The following STPG2 variants were observed in gnomAD, a reference collection of about 807,000 sequenced individuals.
The protein encoded by STPG2 is sperm-tail PG-rich repeat-containing protein 2.
In STPG2, 56 loss-of-function variants were observed where a neutral mutation model predicts 54.2. The ratio of observed to expected loss-of-function variants is 1.03; its 90% CI spans 0.83 to 1.29. STPG2 has a LOEUF of 1.29. Among genes scored for constraint, STPG2 ranks in the 50% most tolerant of loss-of-function variants. The probability of loss-of-function intolerance (pLI) is 0.00; values close to 1 mark genes in which losing one functional copy is unlikely to be tolerated. For missense variants in STPG2, 596 were observed against 544.9 expected, an observed-to-expected ratio of 1.09 and a Z score of -0.93; for synonymous variants, 200 against 181.8, an observed-to-expected ratio of 1.10 and a Z score of -0.81.
chr4:97,932,161 T>C (rs1360215632), intron 8 of STPG2, among the ~76,000 whole-genome samples: 1 of 152,162 alleles, frequency 6.6e-6, no homozygotes, highest in Non-Finnish European at 1.5e-5. Flanking sequence ...TAGTGGCCTA[T>C]GTATTTTATT....
intron 4 of STPG2, among the ~76,000 whole-genome samples, chr4:97,452,823 C>G (rs1226090246): frequency 6.6e-6 from 1 of 152,164 alleles, no homozygotes; most frequent in Admixed American, 6.5e-5. Context: ...AGGGTCTTCT[C>G]TCTGCTAGGA....
intron 10 of STPG2, among the ~76,000 whole-genome samples, chr4:97,629,151 CAATAAT>C (rs985760721): frequency 2.0e-5 from 3 of 151,596 alleles, no homozygotes; most frequent in Non-Finnish European, 4.4e-5. Flanking sequence ...CAGAATTTTC[CAATAAT>C]AATAATAAGA....
intron 4 of STPG2, among the ~76,000 whole-genome samples, chr4:97,488,818 T>C (rs1021193103): frequency 1.4e-4 from 22 of 151,726 alleles, no homozygotes; most frequent in Admixed American, 7.9e-4. Flanking sequence ...GGTAACTACA[T>C]GATGGTCAAG....
At chr4:97,919,930 T>C (rs912487247) in intron 8 of STPG2, among the ~76,000 whole-genome samples, 1 of 152,190 alleles carries the variant, frequency 6.6e-6, no homozygotes, top group East Asian at 1.9e-4. Flanking sequence ...ATTTATTGAA[T>C]AGCCTATGTA....
intron 10 of STPG2, among the ~76,000 whole-genome samples, chr4:97,671,378 C>T (rs1722689748): frequency 6.6e-6 from 1 of 152,172 alleles, no homozygotes; most frequent in African/African-American, 2.4e-5. Flanking sequence ...TATAAACTTA[C>T]ATATGTAGGC....
At chr4:97,480,064 AACTT>A (rs1273008322) in intron 4 of STPG2, among the ~76,000 whole-genome samples, 2 of 151,798 alleles carry the variant, frequency 1.3e-5, no homozygotes, top group African/African-American at 2.4e-5. Context: ...ATAACTGACA[AACTT>A]CAAAATGATC....
At chr4:97,801,757 G>A (rs1427932643) in intron 9 of STPG2, among the ~76,000 whole-genome samples, 1 of 151,976 alleles carries the variant, frequency 6.6e-6, no homozygotes, top group African/African-American at 2.4e-5. Flanking sequence ...TCACAGCATA[G>A]CAGGCCATGA....
intron 4 of STPG2, among the ~76,000 whole-genome samples, chr4:97,541,964 A>G (rs1578375336): frequency 6.6e-6 from 1 of 152,230 alleles, no homozygotes. Context: ...TTATACAAAA[A>G]TTAATTCAAG....
chr4:97,673,484 T>A (rs148357035), intron 10 of STPG2, among the ~76,000 whole-genome samples: 1 of 152,178 alleles, frequency 6.6e-6, no homozygotes, highest in Non-Finnish European at 1.5e-5. Flanking sequence ...TAGTAACCAA[T>A]GTATAAGTAT....
chr4:98,134,579 C>T (rs1560695074), intron 1 of STPG2, 120 bp from the exon 2 acceptor site: 1 of 405,686 alleles, frequency 2.5e-6, no homozygotes, highest in Non-Finnish European at 4.4e-6. Context: ...ATTTTCAGAA[C>T]TGTCTAGTCA....
intron 9 of STPG2, among the ~76,000 whole-genome samples, chr4:97,773,783 T>A (rs1726289064): frequency 6.6e-6 from 1 of 152,096 alleles, no homozygotes; most frequent in South Asian, 2.1e-4. Context: ...CAAGGAAGAA[T>A]AATATAGCAC....
At chr4:97,844,371 T>C (rs1023720819) in intron 8 of STPG2, among the ~76,000 whole-genome samples, 4 of 152,186 alleles carry the variant, frequency 2.6e-5, no homozygotes, top group African/African-American at 9.6e-5. Flanking sequence ...AAAAAAATTT[T>C]CCTTTACCAT....
At chr4:97,906,599 T>C (rs1578676773) in intron 8 of STPG2, among the ~76,000 whole-genome samples, 1 of 152,114 alleles carries the variant, frequency 6.6e-6, no homozygotes, top group East Asian at 1.9e-4. Flanking sequence ...TTGATGAACA[T>C]TGATGCAAAA....
chr4:98,106,103 T>A, intron 4 of STPG2, 39 bp from the exon 5 acceptor site: 3 of 1,272,536 alleles, frequency 2.4e-6, no homozygotes, highest in Non-Finnish European at 2.1e-6. Flanking sequence ...ATTCTCAATT[T>A]TAAACCTATA....
intron 4 of STPG2, among the ~76,000 whole-genome samples, chr4:97,546,774 A>T (rs1335553459): frequency 6.6e-6 from 1 of 152,228 alleles, no homozygotes; most frequent in East Asian, 1.9e-4. Flanking sequence ...TCACTAATTA[A>T]GTAATACATA....
intron 5 of STPG2, among the ~76,000 whole-genome samples, chr4:98,030,784 G>C (rs1736570325): frequency 6.6e-6 from 1 of 152,134 alleles, no homozygotes; most frequent in African/African-American, 2.4e-5. Context: ...AAGCAATGGG[G>C]AAAGGATTTT....
At chr4:98,118,464 T>C (rs13124368) in intron 3 of STPG2, among the ~76,000 whole-genome samples, 60,038 of 151,882 alleles carry the variant, frequency 0.4, 12,110 homozygotes, top group Middle Eastern at 0.46. Context: ...ACTGTGGAAG[T>C]AGCGAGTCAA....
rs186294402 is a variant in STPG2, at chr4:98,011,722, C to A, written c.613-30404G>T. ...TTCTCTAATGATCAGTGATGTTGAG[C>A]TTTTTTCATATGTTTGTTGGCTGCA... On this transcript the variant is annotated intron_variant, in intron 5 of 10. Transcript: ENST00000295268. 3.4e-4 allele frequency among the ~76,000 whole-genome samples: 52 copies of A among 152,174 alleles called. No homozygotes were observed. The East Asian group carries it at 9.8e-3, about 29-fold the overall frequency.
At chr4:97,566,002 T>C (rs1732424715) in intron 10 of STPG2, among the ~76,000 whole-genome samples, 1 of 152,294 alleles carries the variant, frequency 6.6e-6, no homozygotes, top group Middle Eastern at 3.4e-3. Context: ...CGGAGGTTAC[T>C]GCAGTCTTTT....
Sources: allele counts gnomAD v4.1 joint callset (sites outside exome capture counted in the v4.1 genomes callset), GRCh38; gene constraint gnomAD v4.1.1; transcripts MANE v1.5; gene names NCBI Gene and HGNC (gene_info 2026-07-23, HGNC 2026-07-21).